The following APIP variants were observed in gnomAD, a reference collection of about 807,000 sequenced individuals.
APIP encodes APAF1 interacting protein.
A neutral mutation model predicts 32.0 loss-of-function variants in APIP; 32 were observed. The ratio of observed to expected loss-of-function variants is 1.00; its 90% CI spans 0.76 to 1.34. The LOEUF (loss-of-function observed/expected upper bound fraction) is 1.34. Among genes scored for constraint, APIP ranks in the 40% most tolerant of loss-of-function variants. The pLI is 0.00. For synonymous variants in APIP, 92 were observed against 94.8 expected (o/e 0.97, Z 0.17); for missense variants, 247 against 298.6 (o/e 0.83, Z 1.27).
chr11:34,890,662 G>A, intron 2 of APIP, 110 bp from the exon 3 acceptor site: 1 of 1,130,480 alleles, frequency 8.8e-7, no homozygotes, highest in Non-Finnish European at 1.3e-6. Context: ...AATACAGCCA[G>A]TTGCTTGATT....
At chr11:34,900,701 A>G (rs1168655667) in intron 1 of APIP, among the ~76,000 whole-genome samples, 3 of 152,058 alleles carry the variant, frequency 2.0e-5, no homozygotes, top group African/African-American at 7.3e-5. Flanking sequence ...AGGGAAGGTG[A>G]GGAAGAAGTG....
intron 1 of APIP, among the ~76,000 whole-genome samples, chr11:34,896,173 A>G (rs1853267284): frequency 6.6e-6 from 1 of 152,194 alleles, no homozygotes; most frequent in Non-Finnish European, 1.5e-5. Context: ...TAGTTCAACC[A>G]TTGTGGAAGA....
intron 5 of APIP, 125 bp from the exon 6 acceptor site, chr11:34,883,629 T>C: frequency 2.3e-6 from 2 of 881,282 alleles, no homozygotes; most frequent in East Asian, 5.3e-5. Context: ...CACTCCAAAT[T>C]ATGAACAGGA....
intron 1 of APIP, among the ~76,000 whole-genome samples, chr11:34,908,273 A>G (rs1853488330): frequency 6.6e-6 from 1 of 152,200 alleles, no homozygotes; most frequent in South Asian, 2.1e-4. Flanking sequence ...CACAACTGAG[A>G]GTTGTAAAAT....
At chr11:34,889,427 A>G (rs950638760) in intron 3 of APIP, among the ~76,000 whole-genome samples, 5 of 152,118 alleles carry the variant, frequency 3.3e-5, no homozygotes, top group African/African-American at 1.2e-4. Flanking sequence ...AATCTCAATA[A>G]GGTATATTCT....
rs1003080428 is a variant in APIP at position 34,898,944 on chromosome 11, G to T, written c.58-3834C>A. Among the ~76,000 whole-genome samples, 130 of 151,874 alleles carry T rather than the reference G, an allele frequency of 8.6e-4. 2 individuals are homozygous for T. The highest frequency in any genetic ancestry group is 1.1e-3 in the Non-Finnish European group (77 of 67,972). ...CTCCCGAGTAGCTGGGACTACAGGC[G>T]CCCGCCACCGCGCCCAGCTAATTGT... is the stretch of plus-strand genomic sequence containing the variant. On this transcript the variant is annotated intron_variant, in intron 1 of 6. Coordinates refer to ENST00000395787, the MANE Select transcript of APIP (RefSeq NM_015957.4).
Position 34,883,456 on chromosome 11 carries a change from C to T in APIP, c.510G>A (p.Glu170=), listed in dbSNP as rs746843302. The T allele has an allele frequency of 3.7e-6, 6 of 1,614,026 alleles. No individual in the cohort carries two copies. Among genetic ancestry groups the T allele is most frequent in the Non-Finnish European group, 5.1e-6 (6 of 1,179,956 alleles). Residue 170 remains glutamate (E), a synonymous_variant, in exon 6 of 7, where the codon GAG becomes GAA. Transcript: ENST00000395787. ...GAGCCATTCTATCTTTGAGGTCTTT[C>T]TCCTCAGGTGTATTCTCAATAATGG... The part of the protein sequence containing the change: ...VVPIIENTPE[E]KDLKDRMAHA...
At chr11:34,895,577 CA>C (rs1293346107) in intron 1 of APIP, among the ~76,000 whole-genome samples, 1 of 151,998 alleles carries the variant, frequency 6.6e-6, no homozygotes, top group East Asian at 1.9e-4. Context: ...ATTTTTATTC[CA>C]AAAAAGTCCT....
chr11:34,887,390 G>A (rs1035650840), intron 5 of APIP, among the ~76,000 whole-genome samples: 10 of 152,162 alleles, frequency 6.6e-5, no homozygotes, highest in Admixed American at 2.0e-4. Context: ...TCCTCAGTAT[G>A]TACACTTCTC....
intron 1 of APIP, among the ~76,000 whole-genome samples, chr11:34,910,080 G>A (rs554681353): frequency 8.5e-5 from 13 of 152,274 alleles, no homozygotes; most frequent in Middle Eastern, 3.4e-3. Flanking sequence ...AACAAAGATG[G>A]GCTGTTGGGC....
chr11:34,884,551 C>A (rs187574426), intron 5 of APIP, among the ~76,000 whole-genome samples: 87 of 152,144 alleles, frequency 5.7e-4, no homozygotes, highest in Admixed American at 4.5e-3. Context: ...ATGGTGAAAC[C>A]CCATCTGTAC....
chr11:34,907,389 T>C (rs1432217298), intron 1 of APIP, among the ~76,000 whole-genome samples: 1 of 152,206 alleles, frequency 6.6e-6, no homozygotes, highest in African/African-American at 2.4e-5. Flanking sequence ...AGGTCTCCCC[T>C]TTCTCTTTTG....
chr11:34,904,647 CCT>C (rs1243867729), intron 1 of APIP, among the ~76,000 whole-genome samples: 2 of 152,198 alleles, frequency 1.3e-5, no homozygotes, highest in Non-Finnish European at 2.9e-5. Flanking sequence ...AACTGGACCA[CCT>C]CTGTTTAACC....
intron 5 of APIP, among the ~76,000 whole-genome samples, chr11:34,885,746 C>T (rs1381738459): frequency 6.6e-6 from 1 of 152,168 alleles, no homozygotes. Context: ...TGAGTTTGCT[C>T]ACATCCTGCA....
At chr11:34,904,335 C>T (rs571642836) in intron 1 of APIP, among the ~76,000 whole-genome samples, 1 of 152,318 alleles carries the variant, frequency 6.6e-6, no homozygotes, top group African/African-American at 2.4e-5. Flanking sequence ...AATATCATCT[C>T]CATTGTGCTT....
Position 34,916,071 on chromosome 11 carries a change from C to T in APIP, c.57+157G>A. The T allele has an allele frequency of 1.6e-5, 16 of 999,912 alleles. No homozygotes were observed. In the South Asian group the frequency reaches 2.7e-4, roughly 17 times the overall value. 61.9% of individuals were successfully genotyped at this position (999,912 alleles called of 1,614,324 possible). ...GGCCTCGCAGCCTTGCTTCCGAACG[C>T]CAAGGTCGCGGTGCGCCGGGGTAGC... On this transcript the variant is annotated intron_variant, in intron 1 of 6. Coordinates refer to ENST00000395787, the MANE Select transcript of APIP (RefSeq NM_015957.4).
intron 1 of APIP, among the ~76,000 whole-genome samples, chr11:34,907,755 C>T (rs1853481884): frequency 6.6e-6 from 1 of 152,124 alleles, no homozygotes; most frequent in African/African-American, 2.4e-5. Context: ...AGATTGATTA[C>T]AATCAACTAT....
Position 34,888,289 on chromosome 11 carries a change from A to T in APIP, c.461+4T>A, listed in dbSNP as rs745982904. ...ATTATTTAAGAAAAAGGAAAAAAAA[A>T]TACCTATAATACCCTCCGGAAGTAC... On this transcript the variant is annotated splice_donor_region_variant and intron_variant, in intron 5 of 6. Transcript: ENST00000395787. 9 of 1,482,358 alleles carry T rather than the reference A, an allele frequency of 6.1e-6. No homozygotes were observed. Among genetic ancestry groups the T allele is most frequent in the South Asian group, 1.3e-5 (1 of 79,340 alleles). 91.8% of individuals were successfully genotyped at this position (1,482,358 alleles called of 1,614,324 possible). A position where few individuals can be genotyped will look rare whatever the true frequency, so the allele number is the denominator to read the frequency against.
In APIP at chr11:34,902,238, C is replaced by T. The variant is rs537207854; in HGVS notation, c.58-7128G>A. 5.3e-5 allele frequency among the ~76,000 whole-genome samples: 8 copies of T among 152,340 alleles called. No individual in the cohort carries two copies. The South Asian group carries it at 6.2e-4, about 12-fold the overall frequency. ...GTCCAGACTGCCCAGTTAACATGGA[C>T]GGTGCTGCCTCAGGGATTTTGAGAT... On this transcript the variant is annotated intron_variant, in intron 1 of 6. Coordinates refer to ENST00000395787, the MANE Select transcript of APIP (RefSeq NM_015957.4).
Sources: allele counts gnomAD v4.1 joint callset (sites outside exome capture counted in the v4.1 genomes callset), GRCh38; gene constraint gnomAD v4.1.1; transcripts MANE v1.5; gene names NCBI Gene and HGNC (gene_info 2026-07-23, HGNC 2026-07-21).